ANKDD1A: variants seen among roughly 807,000 people sequenced by gnomAD.
ANKDD1A encodes the protein ankyrin repeat and death domain containing 1A, also known as ankyrin repeat and death domain-containing protein 1A.
Under a neutral mutation model 63.5 loss-of-function variants are expected in ANKDD1A, and 59 were observed. The ratio of observed to expected loss-of-function variants is 0.93; its 90% CI spans 0.75 to 1.15. ANKDD1A has a LOEUF of 1.15. Among genes scored for constraint, ANKDD1A ranks in the 50% most tolerant of loss-of-function variants. The pLI, the probability that ANKDD1A is intolerant of heterozygous loss-of-function variation, is 0.00. For missense variants in ANKDD1A, 632 were observed against 656.4 expected, an observed-to-expected ratio of 0.96 and a Z score of 0.41; for synonymous variants, 266 against 263.9, an observed-to-expected ratio of 1.01 and a Z score of -0.08.
At chr15:64,943,762 C>G in intron 11 of ANKDD1A, 180 bp downstream of exon 11, 2 of 630,912 alleles carry the variant, frequency 3.2e-6, no homozygotes, top group Non-Finnish European at 5.7e-6. Context: ...CCACCTTCCC[C>G]TCTCTCTACT....
Position 64,930,919 on chromosome 15 carries a change from C to A in ANKDD1A, c.668C>A (p.Ala223Glu). Residue 223 changes from alanine to glutamate, a missense_variant and splice_region_variant, in exon 7 of 15, where the codon GCG becomes GAG. Transcript: ENST00000319580. ...DIGLDLEEQNAEGLTALHSAA... is the reference protein window; with the variant it reads ...DIGLDLEEQNEEGLTALHSAA... ...GGGCTGGACCTGGAGGAGCAGAATG[C>A]GGTGAGTCACCGCCTGGGGATGGCG... 3.1e-6 allele frequency: 5 copies of A among 1,610,400 alleles called. No homozygotes were observed. The highest frequency in any genetic ancestry group is 4.2e-6 in the Non-Finnish European group (5 of 1,179,852).
intron 14 of ANKDD1A, among the ~76,000 whole-genome samples, chr15:64,953,273 CTT>C (rs1329616256): frequency 7.6e-4 from 112 of 147,148 alleles, no homozygotes; most frequent in African/African-American, 2.7e-3. Flanking sequence ...AGTTCTTCCT[CTT>C]CTTTCCTTCT....
intron 7 of ANKDD1A, 151 bp downstream of exon 7, chr15:64,931,071 C>A: frequency 1.3e-6 from 1 of 761,276 alleles, no homozygotes; most frequent in Non-Finnish European, 2.1e-6. Flanking sequence ...CAAGCAGCAG[C>A]ACTGAACTCC....
intron 9 of ANKDD1A, among the ~76,000 whole-genome samples, chr15:64,936,637 G>A (rs949603225): frequency 1.3e-5 from 2 of 152,042 alleles, no homozygotes; most frequent in East Asian, 1.9e-4. Context: ...CCAGGAGTTC[G>A]AGACCAGCCT....
At chr15:64,950,920 G>GC in intron 14 of ANKDD1A, 1 of 1,261,716 alleles carries the variant, frequency 7.9e-7, no homozygotes, top group South Asian at 1.3e-5. Flanking sequence ...CAGAGCTTAG[G>GC]CAACAGAGGA....
At chr15:64,955,662 C>T (rs532271101) in intron 14 of ANKDD1A, among the ~76,000 whole-genome samples, 28 of 152,264 alleles carry the variant, frequency 1.8e-4, no homozygotes, top group African/African-American at 6.0e-4. Context: ...GCAGAGCTGG[C>T]TGTGGCGTTT....
In ANKDD1A at chr15:64,954,011, CTTCTTTCCTCTTCT is replaced by C; in HGVS notation, c.1484-3089_1484-3076del. On this transcript the variant is annotated intron_variant, in intron 14 of 14. Transcript: ENST00000319580. ...TCTTCCTTTCTTTCCTTTCTTCTTC[CTTCTTTCCTCTTCT>C]TTTCTTTCTTCTTCCTCTTCTTCTT... is the stretch of plus-strand genomic sequence containing the variant. Among the ~76,000 whole-genome samples, 5 of 86,054 alleles carry C rather than the reference CTTCTTTCCTCTTCT, an allele frequency of 5.8e-5. No homozygotes were observed. In the East Asian group the frequency reaches 3.5e-3, roughly 60 times the overall value. 56.5% of individuals were successfully genotyped at this position (86,054 alleles called of 152,430 possible).
chr15:64,949,400 C>T (rs1217159856), intron 13 of ANKDD1A, among the ~76,000 whole-genome samples: 1 of 152,160 alleles, frequency 6.6e-6, no homozygotes, highest in Non-Finnish European at 1.5e-5. Flanking sequence ...ATGGCCAGCT[C>T]CATCTCTGAC....
intron 14 of ANKDD1A, among the ~76,000 whole-genome samples, chr15:64,951,911 CTCT>C (rs2140387015): frequency 7.9e-6 from 1 of 125,922 alleles, no homozygotes; most frequent in Admixed American, 8.3e-5. Flanking sequence ...TCTCTTCGTC[CTCT>C]TGTTCTTTCC....
chr15:64,949,077 A>G lies in ANKDD1A; in HGVS notation c.1352-764A>G, dbSNP rs535301014. On this transcript the variant is annotated intron_variant, in intron 13 of 14. Coordinates refer to ENST00000319580, the MANE Select transcript of ANKDD1A (RefSeq NM_182703.6). ...GAGGACATGCCTGCTGAGGGCCCCA[A>G]GAGGGGCACGGAAGGTCAGAGGGGC... Among the ~76,000 whole-genome samples the G allele has an allele frequency of 1.5e-3, 234 of 152,336 alleles. 1 individual carries two copies. Among genetic ancestry groups the G allele is most frequent in the Non-Finnish European group, 2.5e-3 (169 of 68,022 alleles).
intron 14 of ANKDD1A, among the ~76,000 whole-genome samples, chr15:64,954,906 TTGTC>T (rs2085402157): frequency 8.2e-6 from 1 of 122,512 alleles, no homozygotes; most frequent in Admixed American, 8.8e-5. Flanking sequence ...CCTTCTTCTC[TTGTC>T]TCTTCTCTCT....
chr15:64,934,500 CTTTTTTTT>C lies in ANKDD1A; in HGVS notation c.867+276_867+283del, dbSNP rs546780732. 5.4e-3 allele frequency among the ~76,000 whole-genome samples: 683 copies of C among 125,618 alleles called. 3 individuals are homozygous for C. Among genetic ancestry groups the C allele is most frequent in the Non-Finnish European group, 8.9e-3 (525 of 58,908 alleles). The allele number at this position is 125,618 out of a possible 152,430, so 82.4% of individuals were successfully genotyped here. On this transcript the variant is annotated intron_variant, in intron 9 of 14. Coordinates refer to ENST00000319580, the MANE Select transcript of ANKDD1A (RefSeq NM_182703.6). The stretch of plus-strand genomic sequence containing the variant: ...GCATTGGGGCTTTTTTTTTTCTTTT[CTTTTTTTT>C]TTTTTTTTTGAGACAGAGTCTTGCT...
intron 14 of ANKDD1A, among the ~76,000 whole-genome samples, chr15:64,952,868 C>T (rs1231242371): frequency 1.0e-4 from 5 of 47,824 alleles, no homozygotes; most frequent in Middle Eastern, 0.019. Flanking sequence ...TTCTTCTTTT[C>T]TTCTCTTTCT....
intron 5 of ANKDD1A, 116 bp downstream of exon 5, chr15:64,926,286 T>C (rs1310788067): frequency 7.6e-6 from 8 of 1,047,876 alleles, no homozygotes; most frequent in East Asian, 5.3e-5. Context: ...GTGGGCATAT[T>C]GCACCTGGCC....
At chr15:64,950,158 C>T (rs984697449) in intron 14 of ANKDD1A, 186 bp downstream of exon 14, 23 of 985,286 alleles carry the variant, frequency 2.3e-5, no homozygotes, top group Admixed American at 1.2e-4. Flanking sequence ...GCCCTGGTTT[C>T]CCCATCTGTG....
chr15:64,958,528 A>G lies in ANKDD1A; in HGVS notation c.*1340A>G, dbSNP rs1388411194. On this transcript the variant is annotated 3_prime_UTR_variant, in exon 15 of 15. Transcript: ENST00000319580. ...AAAAGTAAAGTTATAAAAGGAAAAG[A>G]AAACAGAGGCTTTAAATTAAATCAT... 6.6e-6 allele frequency: 1 copy of G among 152,240 alleles called. No individual in the cohort carries two copies. The highest frequency in any genetic ancestry group is 1.5e-5 in the Non-Finnish European group (1 of 68,052). 9.4% of individuals were successfully genotyped at this position (152,240 alleles called of 1,614,324 possible).
chr15:64,954,374 CTTTTCTTTTCTTCTTCT>C (rs1472018285), intron 14 of ANKDD1A, among the ~76,000 whole-genome samples: 1,885 of 14,508 alleles, frequency 0.13, 45 homozygotes, highest in Middle Eastern at 0.25. Context: ...CTTCTTCTTC[CTTTTCTTTTCTTCTTCT>C]TTCTTCTTCC....
At chr15:64,939,905 G>T (rs2085167072) in intron 9 of ANKDD1A, among the ~76,000 whole-genome samples, 1 of 152,022 alleles carries the variant, frequency 6.6e-6, no homozygotes, top group South Asian at 2.1e-4. Context: ...AATATAAGGA[G>T]GAAAATTTTT....
At chr15:64,922,959 G>A (rs1306399899) in intron 4 of ANKDD1A, among the ~76,000 whole-genome samples, 1 of 152,148 alleles carries the variant, frequency 6.6e-6, no homozygotes, top group Non-Finnish European at 1.5e-5. Flanking sequence ...AATTATGGCA[G>A]TGATTAGACC....
Sources: allele counts gnomAD v4.1 joint callset (sites outside exome capture counted in the v4.1 genomes callset), GRCh38; gene constraint gnomAD v4.1.1; transcripts MANE v1.5; gene names NCBI Gene and HGNC (gene_info 2026-07-23, HGNC 2026-07-21).